The following MAGI3 variants were observed in gnomAD, a reference collection of about 807,000 sequenced individuals.
MAGI3 encodes membrane-associated guanylate kinase, WW and PDZ domain-containing protein 3.
A neutral mutation model predicts 121.8 loss-of-function variants in MAGI3; 43 were observed. That is an observed-to-expected ratio of 0.35 (90% confidence interval 0.28 to 0.46). The LOEUF is 0.46. Among genes scored for constraint, MAGI3 ranks in the 20% least tolerant of loss-of-function variants. MAGI3 has a pLI of 1.00. For synonymous variants in MAGI3, 553 were observed against 639.3 expected (o/e 0.86, Z 2.04); for missense variants, 1,547 against 1,797.3 (o/e 0.86, Z 2.52).
In MAGI3 at chr1:113,475,786, A is replaced by C. The variant is rs1655788179; in HGVS notation, c.317-73729A>C. ...TTGCTCTTTTTCTATTGATTGGAATAGTTTCAGAAGGAATGGTAGCAGCTC... is the reference window on the plus strand; with the variant it reads ...TTGCTCTTTTTCTATTGATTGGAATCGTTTCAGAAGGAATGGTAGCAGCTC... On this transcript the variant is annotated intron_variant, in intron 1 of 20. Coordinates refer to ENST00000307546, the MANE Select transcript of MAGI3 (RefSeq NM_001142782.2). Among the ~76,000 whole-genome samples the C allele has an allele frequency of 2.6e-5, 4 of 152,216 alleles. No homozygotes were observed. The South Asian group carries it at 8.3e-4, about 31-fold the overall frequency.
intron 9 of MAGI3, among the ~76,000 whole-genome samples, chr1:113,636,354 T>C (rs1391154693): frequency 1.3e-5 from 2 of 152,266 alleles, no homozygotes; most frequent in Non-Finnish European, 2.9e-5. Flanking sequence ...TGCTTTCTTT[T>C]GTGGGCATTT....
intron 1 of MAGI3, among the ~76,000 whole-genome samples, chr1:113,474,651 GT>G (rs1655719477): frequency 6.6e-6 from 1 of 150,730 alleles, no homozygotes; most frequent in South Asian, 2.1e-4. Context: ...GTACCATGCT[GT>G]TTTGGTTAAG....
At chr1:113,577,414 G>T (rs1647721606) in intron 2 of MAGI3, among the ~76,000 whole-genome samples, 1 of 151,960 alleles carries the variant, frequency 6.6e-6, no homozygotes. Context: ...GACTGTGTAT[G>T]GCTCCAAAGA....
intron 19 of MAGI3, among the ~76,000 whole-genome samples, chr1:113,676,784 TTTATTAGG>T (rs1362928038): frequency 2.6e-5 from 4 of 152,134 alleles, no homozygotes; most frequent in Non-Finnish European, 5.9e-5. Context: ...CTCTTCTCCC[TTTATTAGG>T]TTGACAGCTG....
At chr1:113,663,235 A>AAT (rs3081634) in intron 16 of MAGI3, among the ~76,000 whole-genome samples, 26,911 of 143,764 alleles carry the variant, frequency 0.19, 2,465 homozygotes, top group Non-Finnish European at 0.19. Context: ...CAAAAACAGA[A>AAT]ATATATATAT....
intron 1 of MAGI3, among the ~76,000 whole-genome samples, chr1:113,431,777 T>C (rs527682301): frequency 7.9e-5 from 12 of 152,318 alleles, no homozygotes; most frequent in Middle Eastern, 3.4e-3. Flanking sequence ...TTATGTCATT[T>C]ATTCACAAAA....
At chr1:113,509,355 C>CTTTTT (rs763952179) in intron 1 of MAGI3, among the ~76,000 whole-genome samples, 31 of 126,616 alleles carry the variant, frequency 2.4e-4, no homozygotes, top group African/African-American at 6.3e-4. Flanking sequence ...ATTATCTTTT[C>CTTTTT]TTTTTTTTTT....
At chr1:113,512,048 GA>G (rs1432442124) in intron 1 of MAGI3, among the ~76,000 whole-genome samples, 1 of 152,068 alleles carries the variant, frequency 6.6e-6, no homozygotes, top group Non-Finnish European at 1.5e-5. Flanking sequence ...CTTTAAGGGG[GA>G]AAAGACAGTA....
chr1:113,398,784 A>G (rs1470748201), intron 1 of MAGI3, among the ~76,000 whole-genome samples: 2 of 152,146 alleles, frequency 1.3e-5, no homozygotes, highest in African/African-American at 2.4e-5. Context: ...TTTTCCTCCA[A>G]TAAAATAACT....
At chr1:113,538,428 G>A (rs1388231306) in intron 1 of MAGI3, among the ~76,000 whole-genome samples, 4 of 152,212 alleles carry the variant, frequency 2.6e-5, no homozygotes, top group African/African-American at 7.2e-5. Flanking sequence ...TTATTGGTGT[G>A]CCAGCCAGGC....
chr1:113,581,751 T>C (rs1240586976), intron 3 of MAGI3, among the ~76,000 whole-genome samples: 2 of 152,210 alleles, frequency 1.3e-5, no homozygotes, highest in Admixed American at 1.3e-4. Flanking sequence ...TTTCCTTTCA[T>C]CTGCTAAGTT....
At chr1:113,663,000 C>T (rs979682196) in intron 16 of MAGI3, among the ~76,000 whole-genome samples, 3 of 151,990 alleles carry the variant, frequency 2.0e-5, no homozygotes, top group Non-Finnish European at 2.9e-5. Flanking sequence ...CCAAGGCAGG[C>T]GGATCAACTG....
chr1:113,483,578 A>T (rs1656212511), intron 1 of MAGI3, among the ~76,000 whole-genome samples: 1 of 152,118 alleles, frequency 6.6e-6, no homozygotes, highest in African/African-American at 2.4e-5. Flanking sequence ...TGTTTAAGCA[A>T]CCCAACCTGT....
At chr1:113,492,040 C>G (rs1656693564) in intron 1 of MAGI3, among the ~76,000 whole-genome samples, 1 of 152,022 alleles carries the variant, frequency 6.6e-6, no homozygotes, top group African/African-American at 2.4e-5. Flanking sequence ...ATCATCCTGA[C>G]CAAAACCTAG....
chr1:113,571,816 A>G (rs989243310), intron 2 of MAGI3, among the ~76,000 whole-genome samples: 4 of 152,202 alleles, frequency 2.6e-5, no homozygotes, highest in Non-Finnish European at 4.4e-5. Flanking sequence ...GGTTTTCTAA[A>G]TATACAACCA....
intron 1 of MAGI3, among the ~76,000 whole-genome samples, chr1:113,392,916 A>G (rs1352909201): frequency 6.6e-6 from 1 of 152,194 alleles, no homozygotes. Context: ...TCTTAGTTCA[A>G]ATCCCATGAG....
intron 2 of MAGI3, among the ~76,000 whole-genome samples, chr1:113,573,075 G>A (rs1429071360): frequency 8.6e-5 from 13 of 151,972 alleles, no homozygotes; most frequent in South Asian, 2.1e-4. Flanking sequence ...ACAGGTGCCC[G>A]CCACTACACC....
At position 113,614,632 on chromosome 1, in the gene MAGI3, C is replaced by A; in HGVS notation, c.1050C>A (p.Asp350Glu). 6.2e-7 allele frequency: 1 copy of A among 1,608,974 alleles called. No individual in the cohort carries two copies. Among genetic ancestry groups the A allele is most frequent in the Non-Finnish European group, 8.5e-7 (1 of 1,177,100 alleles). Residue 350 changes from aspartate (D) to glutamate (E), a missense_variant, in exon 7 of 21, where the codon GAC becomes GAA. Transcript: ENST00000307546. ...CTTATGGCTGGGAGAAAATAGAGGA[C>A]CCTCAGTATGGGACATACTATGTTG... ...ELPYGWEKIE[D>E]PQYGTYYVDH... is the part of the protein sequence containing the mutation.
intron 9 of MAGI3, among the ~76,000 whole-genome samples, chr1:113,640,899 A>T (rs912321971): frequency 7.2e-6 from 1 of 139,416 alleles, no homozygotes; most frequent in Non-Finnish European, 1.5e-5. Flanking sequence ...AAATTTAAAT[A>T]TATATATATT....
Sources: allele counts gnomAD v4.1 joint callset (sites outside exome capture counted in the v4.1 genomes callset), GRCh38; gene constraint gnomAD v4.1.1; transcripts MANE v1.5; gene names NCBI Gene and HGNC (gene_info 2026-07-23, HGNC 2026-07-21).